The following RFC5 variants were observed in gnomAD, a reference collection of about 807,000 sequenced individuals.
RFC5 encodes A1 36 kDa subunit.
Under a neutral mutation model 44.3 loss-of-function variants are expected in RFC5, and 26 were observed. The ratio of observed to expected loss-of-function variants is 0.59; its 90% confidence interval spans 0.43 to 0.81. RFC5 has a LOEUF of 0.81. Ranked by LOEUF, RFC5 falls within the 40% of genes least tolerant of loss-of-function variation. The probability of loss-of-function intolerance (pLI) is 0.00; values close to 1 mark genes in which losing one functional copy is unlikely to be tolerated. For synonymous variants in RFC5, 155 were observed against 155.2 expected, an observed-to-expected ratio of 1.00 and a Z score of 0.01; for missense variants, 328 against 418.6, an observed-to-expected ratio of 0.78 and a Z score of 1.89.
At chr12:118,025,506 G>A in intron 6 of RFC5, 1 of 462,338 alleles carries the variant, frequency 2.2e-6, no homozygotes, top group Non-Finnish European at 3.9e-6. Flanking sequence ...CTCCATGGGA[G>A]AATGCTTGTT....
rs1811318755 is a variant in RFC5 at position 118,020,187 on chromosome 12, G to A, written c.267+419G>A. ...CAATAGGGGCCTTGGCAGGGGTGGG[G>A]GAAGGAAGTGAGTGATGCCTGGGCC... On this transcript the variant is annotated intron_variant, in intron 3 of 10. Coordinates refer to ENST00000454402, the MANE Select transcript of RFC5 (RefSeq NM_007370.7). Among the ~76,000 whole-genome samples, 3 of 152,200 alleles carry A rather than the reference G, an allele frequency of 2.0e-5. 1 individual carries two copies. The South Asian group carries it at 6.2e-4, about 31-fold the overall frequency.
chr12:118,025,644 T>G (rs2030881135), intron 6 of RFC5, 103 bp from the exon 7 acceptor site: 12 of 721,724 alleles, frequency 1.7e-5, no homozygotes, highest in Non-Finnish European at 3.0e-5. Flanking sequence ...CTCTCCTTCC[T>G]TCATCCCTTT....
intron 6 of RFC5, chr12:118,025,529 C>T: frequency 2.1e-6 from 1 of 478,546 alleles, no homozygotes; most frequent in Non-Finnish European, 3.7e-6. Flanking sequence ...TAAATTCAGG[C>T]TGTTCTCGAT....
At chr12:118,026,368 C>T (rs968265155) in intron 7 of RFC5, among the ~76,000 whole-genome samples, 4 of 151,974 alleles carry the variant, frequency 2.6e-5, no homozygotes, top group African/African-American at 9.7e-5. Flanking sequence ...TTAGGGATGC[C>T]GAGGGAGGTG....
downstream of RFC5, chr12:118,036,610 A>G: frequency 7.8e-7 from 1 of 1,282,466 alleles, no homozygotes; most frequent in Admixed American, 2.3e-5. Context: ...CAGGCCCTGC[A>G]GCCAGGGCTG....
intron 5 of RFC5, among the ~76,000 whole-genome samples, chr12:118,023,233 C>G (rs5745836): frequency 5.1e-4 from 78 of 151,582 alleles, no homozygotes; most frequent in African/African-American, 1.8e-3. Flanking sequence ...CAGCACCCTG[C>G]GATTTGTCTG....
downstream of RFC5, chr12:118,033,241 T>C (rs2031411252): frequency 6.6e-6 from 1 of 152,396 alleles, no homozygotes. Flanking sequence ...AGCTGATTAA[T>C]CCAATGAAGT....
intron 3 of RFC5, among the ~76,000 whole-genome samples, chr12:118,020,650 T>C (rs1180691898): frequency 2.0e-5 from 3 of 152,268 alleles, no homozygotes; most frequent in African/African-American, 7.2e-5. Flanking sequence ...CTGTTCAGTG[T>C]AACCATACCA....
downstream of RFC5, chr12:118,037,971 G>A: frequency 4.6e-6 from 1 of 219,252 alleles, no homozygotes; most frequent in Non-Finnish European, 9.0e-6. Context: ...AGGAAATTTG[G>A]ATTCACATGT....
downstream of RFC5, chr12:118,034,754 TG>T: frequency 1.8e-6 from 1 of 557,250 alleles, no homozygotes; most frequent in Non-Finnish European, 3.1e-6. Flanking sequence ...CTTGTGAACT[TG>T]GCCCATTAGG....
downstream of RFC5, chr12:118,032,967 T>G (rs1327896567): frequency 6.6e-6 from 1 of 152,202 alleles, no homozygotes; most frequent in Admixed American, 6.5e-5. Context: ...AAAAGACATG[T>G]TTTTCTTCAA....
chr12:118,031,162 C>G lies in RFC5; in HGVS notation c.927-20C>G, dbSNP rs924281145. 13 of 1,575,972 alleles carry G rather than the reference C, an allele frequency of 8.2e-6. No individual in the cohort carries two copies. The East Asian group carries it at 2.9e-4, about 35-fold the overall frequency. ...TGTGTTTGGTGTCTTTTTTCTTACCCTGTGTTTGGTTTCTGTTAGGTACAG... is the reference window on the plus strand; with the variant it reads ...TGTGTTTGGTGTCTTTTTTCTTACCGTGTGTTTGGTTTCTGTTAGGTACAG... On this transcript the variant is annotated intron_variant, in intron 10 of 10. Coordinates refer to ENST00000454402, the MANE Select transcript of RFC5 (RefSeq NM_007370.7).
At chr12:118,035,031 C>A, downstream of RFC5, 1 of 1,614,146 alleles carries the variant, frequency 6.2e-7, no homozygotes, top group Non-Finnish European at 8.5e-7. Flanking sequence ...GCAGCAAAGC[C>A]CATTGGTCAT....
the RFC5 span, among the ~76,000 whole-genome samples, chr12:118,039,083 T>C: frequency 4.3e-4 from 66 of 152,278 alleles, no homozygotes; most frequent in Admixed American, 3.6e-3. Context: ...TTATCTTCAT[T>C]TAAACTCTGT....
At position 118,019,165 on chromosome 12, in the gene RFC5, T is replaced by C. The variant is rs754628638; in HGVS notation, c.130+29T>C. The C allele has an allele frequency of 2.4e-4, 371 of 1,533,882 alleles. No individual in the cohort carries two copies. The highest frequency in any genetic ancestry group is 3.2e-4 in the Non-Finnish European group (349 of 1,107,522). ...AGTATTCATGTGTCAGTTGCTCTTGTCCTGCTTGAGCGACTTGTATAAATT... is the reference window on the plus strand; with the variant it reads ...AGTATTCATGTGTCAGTTGCTCTTGCCCTGCTTGAGCGACTTGTATAAATT... On this transcript the variant is annotated intron_variant, in intron 2 of 10. Transcript: ENST00000454402. The surrounding 1 kb of genome is among the most constrained non-coding windows in gnomAD (Gnocchi z 4.2).
intron 8 of RFC5, 56 bp downstream of exon 8, chr12:118,027,074 C>G: frequency 6.4e-7 from 1 of 1,570,088 alleles, no homozygotes; most frequent in East Asian, 2.2e-5. Context: ...CCCAGGAGTT[C>G]AGGTTGCAGC....
At position 118,031,368 on chromosome 12, in the gene RFC5, G is replaced by A; in HGVS notation, c.*90G>A. ...AGGATAAACTGCTGCCTGGGGCTGT[G>A]GGATGAATCAGTCACCCCGAATCTT... On this transcript the variant is annotated 3_prime_UTR_variant, in exon 11 of 11. Transcript: ENST00000454402. 2.4e-6 allele frequency: 2 copies of A among 825,426 alleles called. No individual in the cohort carries two copies. The highest frequency in any genetic ancestry group is 2.4e-5 in the Admixed American group (1 of 42,022). 51.1% of individuals were successfully genotyped at this position (825,426 alleles called of 1,614,324 possible). A position where few individuals can be genotyped will look rare whatever the true frequency, so the allele number is the denominator to read the frequency against.
chr12:118,020,941 T>C lies in RFC5; in HGVS notation c.303T>C (p.Ile101=). 1 of 1,612,830 alleles carries C rather than the reference T, an allele frequency of 6.2e-7. No individual in the cohort carries two copies. Among genetic ancestry groups the C allele is most frequent in the South Asian group, 1.1e-5 (1 of 91,042 alleles). Residue 101 remains isoleucine (I), a synonymous_variant, in exon 4 of 11, where the codon ATT becomes ATC. Transcript: ENST00000454402. The part of the protein sequence containing the change: ...NASDDRGIDI[I]RGPILSFAST... ...CAGATGACCGAGGAATAGACATCAT[T>C]CGAGGACCGATCCTGAGCTTTGCTA...
rs1296328415 is a variant in RFC5 at position 118,019,585 on chromosome 12, G to A, written c.131-47G>A. Reference sequence around the variant, plus strand: ...AACTCAGGAGCCCAGGGTGAATGAGGCAGCTCCCAAAGACTGATGGTGCCC... The same window carrying A: ...AACTCAGGAGCCCAGGGTGAATGAGACAGCTCCCAAAGACTGATGGTGCCC... On this transcript the variant is annotated intron_variant, in intron 2 of 10. Transcript: ENST00000454402. The surrounding 1 kb of genome is among the most constrained non-coding windows in gnomAD (Gnocchi z 4.2). 6 of 1,610,946 alleles carry A rather than the reference G, an allele frequency of 3.7e-6. No individual in the cohort carries two copies. The East Asian group carries it at 1.1e-4, about 30-fold the overall frequency.
Sources: gnomAD v4.1 joint callset for allele counts (sites outside exome capture counted in the v4.1 genomes callset) on GRCh38, gnomAD v4.1.1 for gene constraint, Gnocchi (gnomAD v3.1) non-coding constraint, MANE v1.5 for transcripts, NCBI Gene and HGNC (gene_info 2026-07-23, HGNC 2026-07-21) for gene names.